FSTL5: variants seen among roughly 807,000 people sequenced by gnomAD.
FSTL5 encodes follistatin-related protein 5.
Under a neutral mutation model 89.1 loss-of-function variants are expected in FSTL5, and 62 were observed. The observed-to-expected ratio is 0.70, with a 90% CI of 0.57 to 0.86. The LOEUF is 0.86. Among genes scored for constraint, FSTL5 ranks in the 40% least tolerant of loss-of-function variants. FSTL5 has a pLI of 0.00. For missense variants in FSTL5, 1,057 were observed against 1,001.6 expected (o/e 1.06, Z -0.75); for synonymous variants, 383 against 346.2 (o/e 1.11, Z -1.18).
In FSTL5 at chr4:161,924,119, C is replaced by T. The variant is rs1033845140; in HGVS notation, c.161-3467G>A. On this transcript the variant is annotated intron_variant, in intron 3 of 15. Coordinates refer to ENST00000306100, the MANE Select transcript of FSTL5 (RefSeq NM_020116.5). ...ACACTAAATGAATTTTAATCAAGAACTTATATCCTGGTAGCTTATAGTTTT... is the reference window on the plus strand; with the variant it reads ...ACACTAAATGAATTTTAATCAAGAATTTATATCCTGGTAGCTTATAGTTTT... 2.6e-5 allele frequency among the ~76,000 whole-genome samples: 4 copies of T among 151,688 alleles called. No homozygotes were observed. The South Asian group carries it at 6.2e-4, about 24-fold the overall frequency.
chr4:161,394,340 A>G (rs1327202087), intron 15 of FSTL5, among the ~76,000 whole-genome samples: 1 of 152,164 alleles, frequency 6.6e-6, no homozygotes, highest in African/African-American at 2.4e-5. Context: ...CAGTGGCACA[A>G]TCTTGGCTTA....
chr4:161,512,635 G>A (rs1578888875), intron 10 of FSTL5, among the ~76,000 whole-genome samples: 4 of 152,100 alleles, frequency 2.6e-5, no homozygotes, highest in Non-Finnish European at 5.9e-5. Context: ...AAGGACATTA[G>A]AACTAAGGAC....
intron 3 of FSTL5, among the ~76,000 whole-genome samples, chr4:161,946,174 G>A (rs112210816): frequency 1.3e-3 from 198 of 152,156 alleles, no homozygotes; most frequent in African/African-American, 4.7e-3. Flanking sequence ...AGTCTCATAT[G>A]TTCATTCGTT....
chr4:161,451,694 G>A (rs1390331729), intron 15 of FSTL5, among the ~76,000 whole-genome samples: 1 of 152,178 alleles, frequency 6.6e-6, no homozygotes, highest in African/African-American at 2.4e-5. Context: ...TGTAGTTACT[G>A]GTTCCACAAA....
chr4:161,770,877 G>A (rs912666849), intron 5 of FSTL5, among the ~76,000 whole-genome samples: 1 of 151,896 alleles, frequency 6.6e-6, no homozygotes, highest in Non-Finnish European at 1.5e-5. Flanking sequence ...TACAGTGGTC[G>A]CAGAATGTCA....
intron 15 of FSTL5, among the ~76,000 whole-genome samples, chr4:161,433,101 A>G (rs1006651933): frequency 7.6e-6 from 1 of 132,224 alleles, no homozygotes; most frequent in African/African-American, 2.8e-5. Flanking sequence ...TGTTACCAAA[A>G]CCAGACAAAG....
chr4:162,061,781 G>A (rs1738726161), intron 2 of FSTL5, among the ~76,000 whole-genome samples: 1 of 152,092 alleles, frequency 6.6e-6, no homozygotes, highest in Non-Finnish European at 1.5e-5. Context: ...TCATGCTTAA[G>A]CACACAGGGA....
At chr4:162,046,243 C>A (rs550772815) in intron 2 of FSTL5, among the ~76,000 whole-genome samples, 1 of 152,050 alleles carries the variant, frequency 6.6e-6, no homozygotes, top group Non-Finnish European at 1.5e-5. Flanking sequence ...TCTGGAAAGA[C>A]AAATAGCTAT....
chr4:161,468,128 T>A (rs956293706), intron 13 of FSTL5, among the ~76,000 whole-genome samples: 1 of 152,116 alleles, frequency 6.6e-6, no homozygotes, highest in African/African-American at 2.4e-5. Flanking sequence ...TTGAAAACCC[T>A]TTTTTATAAT....
At chr4:162,145,378 A>G (rs17042071) in intron 1 of FSTL5, among the ~76,000 whole-genome samples, 35,334 of 151,960 alleles carry the variant, frequency 0.23, 4,298 homozygotes, top group Non-Finnish European at 0.26. Context: ...TAAAATGCAA[A>G]TTTAAAGAGG....
intron 2 of FSTL5, among the ~76,000 whole-genome samples, chr4:162,055,525 TGATA>T (rs67961016): frequency 0.47 from 69,801 of 148,450 alleles, 17,053 homozygotes; most frequent in Middle Eastern, 0.6. Context: ...AGATAGAGGA[TGATA>T]GATAGATAGA....
chr4:161,620,610 C>G (rs1041526550), intron 7 of FSTL5, among the ~76,000 whole-genome samples: 5 of 152,058 alleles, frequency 3.3e-5, no homozygotes. Context: ...GAGCCGAGAT[C>G]GCGCCATTGC....
At chr4:161,556,784 T>A (rs1732406741) in intron 8 of FSTL5, among the ~76,000 whole-genome samples, 1 of 150,714 alleles carries the variant, frequency 6.6e-6, no homozygotes, top group African/African-American at 2.4e-5. Context: ...CATCCATATT[T>A]ATACAAACTT....
chr4:161,530,618 T>G (rs1219200703), intron 10 of FSTL5, among the ~76,000 whole-genome samples: 1 of 151,982 alleles, frequency 6.6e-6, no homozygotes, highest in Non-Finnish European at 1.5e-5. Context: ...GACAATAATT[T>G]AAAAATGGTG....
At chr4:161,979,999 G>A (rs923780819) in intron 3 of FSTL5, among the ~76,000 whole-genome samples, 12 of 146,516 alleles carry the variant, frequency 8.2e-5, no homozygotes, top group African/African-American at 3.0e-4. Flanking sequence ...TAAAATTCTC[G>A]AATTATTTCC....
At chr4:161,546,205 G>A (rs1395151565) in intron 8 of FSTL5, among the ~76,000 whole-genome samples, 1 of 149,940 alleles carries the variant, frequency 6.7e-6, no homozygotes, top group Admixed American at 6.7e-5. Flanking sequence ...AAGCACAGAG[G>A]TATAAAATAT....
At chr4:162,020,228 C>T (rs1737032964) in intron 3 of FSTL5, among the ~76,000 whole-genome samples, 1 of 151,506 alleles carries the variant, frequency 6.6e-6, no homozygotes, top group African/African-American at 2.4e-5. Flanking sequence ...GGACACAGGC[C>T]CCATGGACAA....
At chr4:161,943,776 C>T (rs1244511894) in intron 3 of FSTL5, among the ~76,000 whole-genome samples, 5 of 151,864 alleles carry the variant, frequency 3.3e-5, no homozygotes, top group Middle Eastern at 3.4e-3. Context: ...AGCATGGTCT[C>T]GATCTCCTGA....
At chr4:161,475,092 A>G (rs1221546987) in intron 13 of FSTL5, among the ~76,000 whole-genome samples, 3 of 143,238 alleles carry the variant, frequency 2.1e-5, no homozygotes, top group Non-Finnish European at 3.0e-5. Flanking sequence ...TGGCCTCCAT[A>G]GTTTCTAGTA....
Sources: allele counts gnomAD v4.1 joint callset (sites outside exome capture counted in the v4.1 genomes callset), GRCh38; gene constraint gnomAD v4.1.1; transcripts MANE v1.5; gene names NCBI Gene and HGNC (gene_info 2026-07-23, HGNC 2026-07-21).